Variants in PRICKLE2 observed in about 807,000 individuals in gnomAD.
PRICKLE2 encodes the protein prickle planar cell polarity protein 2, also known as prickle-like protein 2.
Under a neutral mutation model 81.4 loss-of-function variants are expected in PRICKLE2, and 21 were observed. The observed-to-expected ratio is 0.26, with a 90% CI of 0.18 to 0.37. The LOEUF (loss-of-function observed/expected upper bound fraction) is 0.37, where lower values mean the gene tolerates loss of function less well. PRICKLE2 is among the 10% of genes least tolerant of loss of function. The pLI is 1.00. For synonymous variants in PRICKLE2, 456 were observed against 421.5 expected (o/e 1.08, Z -1.00); for missense variants, 940 against 1,109.0 (o/e 0.85, Z 2.16).
chr3:64,266,462 G>A (rs2079710460), intron 2 of PRICKLE2, among the ~76,000 whole-genome samples: 1 of 152,178 alleles, frequency 6.6e-6, no homozygotes, highest in Non-Finnish European at 1.5e-5. Context: ...CAGTGACTAA[G>A]AACACAGGAT....
chr3:64,204,675 C>T (rs2078649971), intron 1 of PRICKLE2, among the ~76,000 whole-genome samples: 1 of 152,100 alleles, frequency 6.6e-6, no homozygotes, highest in South Asian at 2.1e-4. Flanking sequence ...CTCAAAGCCA[C>T]AAGGACCTTA....
intron 2 of PRICKLE2, among the ~76,000 whole-genome samples, chr3:64,260,240 A>C (rs143963992): frequency 5.8e-4 from 88 of 152,228 alleles, no homozygotes; most frequent in African/African-American, 1.9e-3. Context: ...AGTACACCAC[A>C]CTGAACGCAC....
At chr3:64,243,434 C>T (rs1045581070) in intron 2 of PRICKLE2, among the ~76,000 whole-genome samples, 1 of 152,156 alleles carries the variant, frequency 6.6e-6, no homozygotes, top group South Asian at 2.1e-4. Flanking sequence ...GACAAAATTG[C>T]CCCCCTTGGG....
intron 2 of PRICKLE2, among the ~76,000 whole-genome samples, chr3:64,165,453 A>G (rs2077814464): frequency 2.0e-5 from 3 of 152,190 alleles, no homozygotes; most frequent in African/African-American, 7.2e-5. Flanking sequence ...GCTCTTAATA[A>G]AAATAAATAA....
At chr3:64,123,862 C>T (rs2077066761) in intron 7 of PRICKLE2, among the ~76,000 whole-genome samples, 2 of 152,072 alleles carry the variant, frequency 1.3e-5, no homozygotes, top group South Asian at 4.1e-4. Flanking sequence ...TGAGACCAAA[C>T]AATATTGAAA....
intron 1 of PRICKLE2, among the ~76,000 whole-genome samples, chr3:64,217,475 A>C (rs1353395434): frequency 2.6e-5 from 4 of 152,236 alleles, no homozygotes; most frequent in Non-Finnish European, 4.4e-5. Flanking sequence ...TAAAACTTTC[A>C]GTAAGCCTGC....
chr3:64,116,088 G>A (rs1316743824), intron 7 of PRICKLE2, among the ~76,000 whole-genome samples: 3 of 152,190 alleles, frequency 2.0e-5, no homozygotes, highest in Non-Finnish European at 2.9e-5. Context: ...ACCTGCTGCT[G>A]AATGACTTTT....
At chr3:64,135,146 G>GA (rs1177350803) in intron 7 of PRICKLE2, among the ~76,000 whole-genome samples, 1 of 152,194 alleles carries the variant, frequency 6.6e-6, no homozygotes, top group African/African-American at 2.4e-5. Context: ...ATGACTCGAA[G>GA]AAGCAAGAAT....
chr3:64,211,861 A>C (rs979583006), intron 1 of PRICKLE2, among the ~76,000 whole-genome samples: 8 of 152,152 alleles, frequency 5.3e-5, no homozygotes, highest in Non-Finnish European at 1.2e-4. Context: ...TCTAGGAAAA[A>C]AGATAATGAA....
At position 64,112,787 on chromosome 3, in the gene PRICKLE2, T is replaced by G. The variant is rs534257508; in HGVS notation, c.1661-12862A>C. Among the ~76,000 whole-genome samples the G allele has an allele frequency of 2.0e-5, 3 of 152,080 alleles. No individual in the cohort carries two copies. The East Asian group carries it at 5.8e-4, about 29-fold the overall frequency. ...CAGACAAGGCCTAATATACAGAATC[T>G]ATAAAGAACTTAACTGAATAAGCAA... is the stretch of plus-strand genomic sequence containing the variant. On this transcript the variant is annotated intron_variant, in intron 7 of 7. Transcript: ENST00000638394.
intron 2 of PRICKLE2, among the ~76,000 whole-genome samples, chr3:64,255,538 A>C (rs1004717903): frequency 1.3e-5 from 2 of 152,182 alleles, no homozygotes; most frequent in South Asian, 4.2e-4. Flanking sequence ...AGATGCAGGG[A>C]GAGGGAGAGG....
chr3:64,157,418 C>T, intron 4 of PRICKLE2, 53 bp from the exon 5 acceptor site: 1 of 1,556,862 alleles, frequency 6.4e-7, no homozygotes, highest in Admixed American at 1.7e-5. Context: ...TCTCCCAGTG[C>T]TGTGCATAAA....
intron 2 of PRICKLE2, among the ~76,000 whole-genome samples, chr3:64,231,405 C>T (rs2079098879): frequency 1.3e-5 from 2 of 152,158 alleles, no homozygotes; most frequent in Non-Finnish European, 2.9e-5. Flanking sequence ...CTTATAATGG[C>T]AGGTTTTGGG....
At chr3:64,145,335 CAA>C (rs1382238290) in intron 7 of PRICKLE2, 3 of 137,786 alleles carry the variant, frequency 2.2e-5, no homozygotes, top group Non-Finnish European at 4.8e-5. Flanking sequence ...TATATACACA[CAA>C]TATATATTAT....
chr3:64,205,799 CAG>C (rs2078677879), intron 1 of PRICKLE2, among the ~76,000 whole-genome samples: 1 of 152,084 alleles, frequency 6.6e-6, no homozygotes, highest in Non-Finnish European at 1.5e-5. Context: ...AAACTCAAAA[CAG>C]AAAACAGGGC....
intron 2 of PRICKLE2, chr3:64,163,590 C>G (rs1252333992): frequency 5.3e-6 from 1 of 188,492 alleles, no homozygotes; most frequent in Admixed American, 5.3e-5. Context: ...GTACCTCAGC[C>G]TCCACCTACA....
At chr3:64,153,111 C>G (rs979156786) in intron 6 of PRICKLE2, 71 bp downstream of exon 6, 2 of 1,411,982 alleles carry the variant, frequency 1.4e-6, no homozygotes, top group Non-Finnish European at 2.0e-6. Flanking sequence ...ATCAAAGATA[C>G]TTTAACTACA....
chr3:64,245,132 G>A (rs920802430), intron 2 of PRICKLE2, among the ~76,000 whole-genome samples: 8 of 152,166 alleles, frequency 5.3e-5, no homozygotes, highest in Admixed American at 3.9e-4. Flanking sequence ...GTGTTCACTG[G>A]ATAATGCTAG....
chr3:64,251,328 G>A (rs1258955748), intron 2 of PRICKLE2, among the ~76,000 whole-genome samples: 1 of 152,192 alleles, frequency 6.6e-6, no homozygotes, highest in Non-Finnish European at 1.5e-5. Context: ...GAGCATCTGA[G>A]TGTCAAAAAC....
Sources: gnomAD v4.1 joint callset for allele counts (sites outside exome capture counted in the v4.1 genomes callset) on GRCh38, gnomAD v4.1.1 for gene constraint, MANE v1.5 for transcripts, NCBI Gene and HGNC (gene_info 2026-07-23, HGNC 2026-07-21) for gene names.